The following PAX5 variants were observed in gnomAD, a reference collection of about 807,000 sequenced individuals.
PAX5 encodes the protein paired box protein Pax-5.
Under a neutral mutation model 43.7 loss-of-function variants are expected in PAX5, and 9 were observed. The observed-to-expected ratio is 0.21, with a 90% CI of 0.12 to 0.36. The LOEUF (loss-of-function observed/expected upper bound fraction) is 0.36, where lower values mean the gene tolerates loss of function less well. Among genes scored for constraint, PAX5 ranks in the 10% least tolerant of loss-of-function variants. The pLI is 1.00. For missense variants in PAX5, 383 were observed against 532.7 expected, an observed-to-expected ratio of 0.72 and a Z score of 2.77; for synonymous variants, 228 against 214.3, an observed-to-expected ratio of 1.06 and a Z score of -0.56.
At chr9:36,878,265 C>T (rs1484828589) in intron 8 of PAX5, among the ~76,000 whole-genome samples, 6 of 152,196 alleles carry the variant, frequency 3.9e-5, no homozygotes, top group Non-Finnish European at 7.3e-5. Flanking sequence ...CCCTCTCCTC[C>T]CTCCCTTAGC....
intron 7 of PAX5, among the ~76,000 whole-genome samples, chr9:36,885,298 G>A (rs1488511826): frequency 6.6e-6 from 1 of 152,188 alleles, no homozygotes; most frequent in Non-Finnish European, 1.5e-5. Flanking sequence ...GAGAAAGGAA[G>A]ACAGCAGAGC....
intron 6 of PAX5, among the ~76,000 whole-genome samples, chr9:36,952,490 A>C (rs1833096587): frequency 6.6e-6 from 1 of 152,026 alleles, no homozygotes; most frequent in Non-Finnish European, 1.5e-5. Flanking sequence ...TTATTGATAT[A>C]ATTGGATTCA....
At chr9:36,848,942 C>A (rs1822875383) in intron 8 of PAX5, among the ~76,000 whole-genome samples, 1 of 152,214 alleles carries the variant, frequency 6.6e-6, no homozygotes, top group South Asian at 2.1e-4. Context: ...GTGCCTAAGT[C>A]AGTGTCACCC....
chr9:36,893,503 G>C (rs1392800732), intron 7 of PAX5: 3 of 153,738 alleles, frequency 2.0e-5, no homozygotes, highest in Non-Finnish European at 2.9e-5. Flanking sequence ...AACTCTGGAA[G>C]GCTGGGAGGG....
chr9:37,030,681 C>T (rs995169317), intron 1 of PAX5, among the ~76,000 whole-genome samples: 1 of 152,208 alleles, frequency 6.6e-6, no homozygotes, highest in African/African-American at 2.4e-5. Context: ...GAAAGACAGC[C>T]CATTGAGAAT....
rs146704219 is a variant in PAX5, at chr9:36,933,057, T to C, written c.781-9573A>G. Among the ~76,000 whole-genome samples, 760 of 151,272 alleles carry C rather than the reference T, an allele frequency of 5.0e-3. 5 individuals are homozygous for C. Among genetic ancestry groups the C allele is most frequent in the African/African-American group, 0.017 (718 of 41,106 alleles). On this transcript the variant is annotated intron_variant, in intron 6 of 9. Coordinates refer to ENST00000358127, the MANE Select transcript of PAX5 (RefSeq NM_016734.3). ...TACTCAGGAGGCTGAAGTGGGAGAA[T>C]TGCTTGAACCCCAGAGGCGAACTTT...
chr9:37,020,057 G>A (rs541844050), intron 2 of PAX5, among the ~76,000 whole-genome samples: 2 of 150,754 alleles, frequency 1.3e-5, no homozygotes, highest in East Asian at 3.9e-4. Context: ...GCCAGGTCAA[G>A]TGGCAACTTT....
intron 5 of PAX5, among the ~76,000 whole-genome samples, chr9:36,974,538 G>A (rs58210769): frequency 0.18 from 27,666 of 152,092 alleles, 2,885 homozygotes; most frequent in Non-Finnish European, 0.22. Context: ...TGGCAACGCT[G>A]GGATTTGTAC....
At chr9:36,966,189 C>T (rs929764339) in intron 6 of PAX5, among the ~76,000 whole-genome samples, 6 of 152,212 alleles carry the variant, frequency 3.9e-5, no homozygotes, top group African/African-American at 1.4e-4. Context: ...ATATTTCCAC[C>T]ATCACCCTGA....
At chr9:37,006,434 C>T in intron 4 of PAX5, 39 bp downstream of exon 4, 2 of 1,398,992 alleles carry the variant, frequency 1.4e-6, no homozygotes, top group Non-Finnish European at 2.0e-6. Context: ...TATTTGGAGC[C>T]CATTAGATTT....
At chr9:36,991,781 T>C (rs1046206858) in intron 5 of PAX5, among the ~76,000 whole-genome samples, 15 of 123,648 alleles carry the variant, frequency 1.2e-4, no homozygotes, top group Middle Eastern at 8.1e-3. Context: ...TGCTGGGAAG[T>C]GTCTGACTCC....
At chr9:36,943,924 A>C (rs1354259355) in intron 6 of PAX5, among the ~76,000 whole-genome samples, 1 of 152,138 alleles carries the variant, frequency 6.6e-6, no homozygotes, top group Non-Finnish European at 1.5e-5. Flanking sequence ...AGTGGCTCAC[A>C]CCTGTAATCT....
intron 3 of PAX5, among the ~76,000 whole-genome samples, chr9:37,013,879 A>C (rs1839172091): frequency 6.6e-6 from 1 of 152,238 alleles, no homozygotes; most frequent in African/African-American, 2.4e-5. Context: ...GCACTCCCAC[A>C]GCGATCTGTG....
intron 7 of PAX5, among the ~76,000 whole-genome samples, chr9:36,921,811 C>T (rs1313482760): frequency 6.6e-6 from 1 of 152,206 alleles, no homozygotes; most frequent in Non-Finnish European, 1.5e-5. Flanking sequence ...CTCCCCCTTA[C>T]CCCTTATGCT....
At chr9:36,938,915 C>T (rs1831793637) in intron 6 of PAX5, among the ~76,000 whole-genome samples, 1 of 152,230 alleles carries the variant, frequency 6.6e-6, no homozygotes, top group Non-Finnish European at 1.5e-5. Flanking sequence ...ACAAAGCCTC[C>T]TCCCAGACCC....
rs548014154 is a variant in PAX5, at chr9:37,015,823, G to T, written c.213-629C>A. Among the ~76,000 whole-genome samples, 6 of 152,016 alleles carry T rather than the reference G, an allele frequency of 3.9e-5. No homozygotes were observed. Among genetic ancestry groups the T allele is most frequent in the Non-Finnish European group, 8.8e-5 (6 of 67,962 alleles). ...TCGAACTCCCGACCTCAGGTTATCC[G>T]CCTGCCTCGGCCTCCCAAAGTGCTG... On this transcript the variant is annotated intron_variant, in intron 2 of 9. Transcript: ENST00000358127. The surrounding 1 kb of genome is among the most constrained non-coding windows in gnomAD (Gnocchi z 4.4).
At chr9:36,847,763 T>C (rs1822730614) in intron 8 of PAX5, among the ~76,000 whole-genome samples, 1 of 152,206 alleles carries the variant, frequency 6.6e-6, no homozygotes, top group South Asian at 2.1e-4. Flanking sequence ...TACCTGCCTC[T>C]GGCACTTCCC....
chr9:36,974,204 A>T (rs1244284913), intron 5 of PAX5, among the ~76,000 whole-genome samples: 1 of 152,122 alleles, frequency 6.6e-6, no homozygotes, highest in African/African-American at 2.4e-5. Context: ...ATAATTTTTT[A>T]AAAGGGATAG....
At chr9:37,018,570 C>CAAAAAAAAAAAAAAAAAAAAAA (rs1222049885) in intron 2 of PAX5, among the ~76,000 whole-genome samples, 1 of 71,006 alleles carries the variant, frequency 1.4e-5, no homozygotes, top group Non-Finnish European at 2.9e-5. Context: ...CTTCAGTGAC[C>CAAAAAAAAAAAAAAAAAAAAAA]AAAAAAAAAA....
Sources: allele counts gnomAD v4.1 joint callset (sites outside exome capture counted in the v4.1 genomes callset), GRCh38; gene constraint gnomAD v4.1.1; non-coding constraint Gnocchi (gnomAD v3.1); transcripts MANE v1.5; gene names NCBI Gene and HGNC (gene_info 2026-07-23, HGNC 2026-07-21).